Variants in SUSD4 observed in about 807,000 individuals in gnomAD.
SUSD4 encodes sushi domain containing 4, also known as sushi domain-containing protein 4.
A neutral mutation model predicts 50.5 loss-of-function variants in SUSD4; 41 were observed. That is an observed-to-expected ratio of 0.81 (90% CI 0.63 to 1.05). The LOEUF (loss-of-function observed/expected upper bound fraction) is 1.05. SUSD4 is among the 50% of genes least tolerant of loss of function. The probability of loss-of-function intolerance (pLI) is 0.00; values close to 1 mark genes in which losing one functional copy is unlikely to be tolerated. For synonymous variants in SUSD4, 257 were observed against 257.3 expected (o/e 1.00, Z 0.01); for missense variants, 580 against 634.7 (o/e 0.91, Z 0.93).
At chr1:223,314,294 C>A (rs1286305687) in intron 2 of SUSD4, among the ~76,000 whole-genome samples, 1 of 152,104 alleles carries the variant, frequency 6.6e-6, no homozygotes, top group Non-Finnish European at 1.5e-5. Flanking sequence ...GAATGAAATA[C>A]CACACCAAGT....
chr1:223,305,510 T>C (rs547382525), intron 2 of SUSD4, among the ~76,000 whole-genome samples: 74 of 152,360 alleles, frequency 4.9e-4, no homozygotes, highest in Non-Finnish European at 8.2e-4. Context: ...ATTAATTTTC[T>C]TGTTTGTGAA....
chr1:223,281,528 A>G (rs1211817546), intron 3 of SUSD4, among the ~76,000 whole-genome samples: 1 of 152,230 alleles, frequency 6.6e-6, no homozygotes, highest in Non-Finnish European at 1.5e-5. Flanking sequence ...CTCTCCCAAG[A>G]CTAAACCAGG....
intron 3 of SUSD4, among the ~76,000 whole-genome samples, chr1:223,282,849 G>C (rs1019342958): frequency 6.6e-6 from 1 of 152,148 alleles, no homozygotes; most frequent in Non-Finnish European, 1.5e-5. Flanking sequence ...ATACTACAAG[G>C]CTACAGTAAC....
intron 5 of SUSD4, among the ~76,000 whole-genome samples, chr1:223,254,551 GA>G (rs1324170038): frequency 6.6e-6 from 1 of 152,086 alleles, no homozygotes; most frequent in Non-Finnish European, 1.5e-5. Flanking sequence ...ATCATGTTGG[GA>G]ATCAGAAAAC....
rs148712516 is a variant in SUSD4, at chr1:223,240,204, A to T, written c.725-10816T>A. Among the ~76,000 whole-genome samples, 409 of 151,874 alleles carry T rather than the reference A, an allele frequency of 2.7e-3. 2 individuals are homozygous for T. Among genetic ancestry groups the T allele is most frequent in the African/African-American group, 9.4e-3 (390 of 41,436 alleles). ...GGTGTTTTTCCTTGGCTTCTTTCAG[A>T]ATTTTTTTATTTTTGATTTTTCTGT... On this transcript the variant is annotated intron_variant, in intron 5 of 8. Transcript: ENST00000366878.
chr1:223,301,424 C>A (rs1665186726), intron 2 of SUSD4, among the ~76,000 whole-genome samples: 1 of 152,174 alleles, frequency 6.6e-6, no homozygotes, highest in Non-Finnish European at 1.5e-5. Context: ...GGAGAGAACA[C>A]AACCTAAGCC....
intron 7 of SUSD4, among the ~76,000 whole-genome samples, chr1:223,225,353 T>C (rs988922919): frequency 6.6e-5 from 10 of 152,088 alleles, no homozygotes; most frequent in Non-Finnish European, 1.3e-4. Flanking sequence ...AGGCTGTGCG[T>C]CTCTCTAAAG....
intron 3 of SUSD4, among the ~76,000 whole-genome samples, chr1:223,281,930 C>G (rs1402656497): frequency 5.9e-5 from 9 of 152,180 alleles, no homozygotes; most frequent in Admixed American, 5.9e-4. Flanking sequence ...AAGGCTGGTT[C>G]AACATACGCA....
chr1:223,340,876 T>C (rs1183757998), intron 2 of SUSD4, among the ~76,000 whole-genome samples: 2 of 152,226 alleles, frequency 1.3e-5, no homozygotes, highest in Non-Finnish European at 2.9e-5. Context: ...TAGCTGAAAC[T>C]GACCTCTAGA....
intron 7 of SUSD4, among the ~76,000 whole-genome samples, chr1:223,224,862 C>CTTCTTTTTTTTTTTT (rs1239409764): frequency 4.9e-4 from 29 of 59,290 alleles, no homozygotes; most frequent in African/African-American, 2.0e-3. Context: ...TGGTTTCTTC[C>CTTCTTTTTTTTTTTT]TTTTTTTTTT....
chr1:223,326,063 A>T (rs1252788119), intron 2 of SUSD4, among the ~76,000 whole-genome samples: 2 of 152,188 alleles, frequency 1.3e-5, no homozygotes, highest in African/African-American at 4.8e-5. Flanking sequence ...AGCATAAAGA[A>T]CAAATCTGGA....
In SUSD4 at chr1:223,314,810, C is replaced by T. The variant is rs61838206; in HGVS notation, c.149-22159G>A. On this transcript the variant is annotated intron_variant, in intron 2 of 8. Coordinates refer to ENST00000366878, the MANE Select transcript of SUSD4 (RefSeq NM_017982.4). ...CATGTGGCACTGTGAGTCCATTAAA[C>T]CTCTTTCTTTTGTAAATTGCCCAGT... is the stretch of plus-strand genomic sequence containing the variant. Among the ~76,000 whole-genome samples, 583 of 152,294 alleles carry T rather than the reference C, an allele frequency of 3.8e-3. 2 individuals are homozygous for T. The highest frequency in any genetic ancestry group is 7.0e-3 in the Non-Finnish European group (474 of 68,030).
chr1:223,263,126 G>A (rs769316094), intron 5 of SUSD4, among the ~76,000 whole-genome samples: 2 of 152,128 alleles, frequency 1.3e-5, no homozygotes, highest in African/African-American at 2.4e-5. Context: ...TGATAAAATC[G>A]TAACAACGAT....
rs1441489731 is a variant in SUSD4 at position 223,264,695 on chromosome 1, G to C, written c.659C>G (p.Ala220Gly). The C allele has an allele frequency of 2.5e-6, 4 of 1,614,208 alleles. No homozygotes were observed. In the South Asian group the frequency reaches 4.4e-5, roughly 18 times the overall value. ...AAGGTTTTGTAAGCACTCAAGATAC[G>C]CAGACCCATCAAGTTTAAATCCGGG... ...CFPGFKLDGS[A>G]YLECLQNLIW... The change falls in exon 5 of 9, where the codon GCG (alanine) becomes GGG (glycine). Residue 220 changes from alanine (A) to glycine (G), a missense_variant. Transcript: ENST00000366878.
chr1:223,281,220 C>T (rs1663699862), intron 3 of SUSD4, among the ~76,000 whole-genome samples: 1 of 151,876 alleles, frequency 6.6e-6, no homozygotes, highest in South Asian at 2.1e-4. Flanking sequence ...TAGCAGAAGG[C>T]AAGAAATAAC....
intron 3 of SUSD4, among the ~76,000 whole-genome samples, chr1:223,288,390 C>G (rs1664280221): frequency 6.6e-6 from 1 of 152,174 alleles, no homozygotes; most frequent in African/African-American, 2.4e-5. Context: ...AACCTCTTTT[C>G]TTGATAAATT....
chr1:223,249,980 T>A (rs1045091083), intron 5 of SUSD4, among the ~76,000 whole-genome samples: 13 of 152,126 alleles, frequency 8.5e-5, no homozygotes, highest in African/African-American at 3.1e-4. Flanking sequence ...AATCAGTGGA[T>A]TAATGAGAGA....
In SUSD4 at chr1:223,227,851, G is replaced by T; in HGVS notation, c.917-113C>A. 1 of 1,368,616 alleles carries T rather than the reference G, an allele frequency of 7.3e-7. No homozygotes were observed. Among genetic ancestry groups the T allele is most frequent in the Non-Finnish European group, 9.9e-7 (1 of 1,013,696 alleles). The allele number at this position is 1,368,616 out of a possible 1,614,324, so 84.8% of individuals were successfully genotyped here. A position where few individuals can be genotyped will look rare whatever the true frequency, so the allele number is the denominator to read the frequency against. On this transcript the variant is annotated intron_variant, in intron 6 of 8. Coordinates refer to ENST00000366878, the MANE Select transcript of SUSD4 (RefSeq NM_017982.4). The surrounding 1 kb of genome is among the most constrained non-coding windows in gnomAD (Gnocchi z 4.5). The stretch of plus-strand genomic sequence containing the variant: ...CTGGCACAAGAGATGCGTGCAAGGT[G>T]CCTCTGACCCCCAGGGCTCGGCAGA...
intron 3 of SUSD4, among the ~76,000 whole-genome samples, chr1:223,284,894 A>G (rs1416495841): frequency 6.6e-6 from 1 of 152,196 alleles, no homozygotes; most frequent in African/African-American, 2.4e-5. Context: ...GAGATTTCTT[A>G]AAGAATATAA....
Sources: allele counts gnomAD v4.1 joint callset (sites outside exome capture counted in the v4.1 genomes callset), GRCh38; gene constraint gnomAD v4.1.1; non-coding constraint Gnocchi (gnomAD v3.1); transcripts MANE v1.5; gene names NCBI Gene and HGNC (gene_info 2026-07-23, HGNC 2026-07-21).